SAXO1: variants seen among roughly 807,000 people sequenced by gnomAD.
SAXO1 encodes the protein 4930500O09Rik.
Under a neutral mutation model 17.5 loss-of-function variants are expected in SAXO1, and 21 were observed. That is an observed-to-expected ratio of 1.20 (90% CI 0.85 to 1.72). SAXO1 has a LOEUF of 1.72. SAXO1 is among the 40% of genes most tolerant of loss of function. The pLI is 0.00. For synonymous variants in SAXO1, 274 were observed against 216.5 expected, an observed-to-expected ratio of 1.27 and a Z score of -2.33; for missense variants, 843 against 596.0, an observed-to-expected ratio of 1.41 and a Z score of -4.32.
chr9:18,943,276 C>T (rs1485193909), intron 2 of SAXO1, among the ~76,000 whole-genome samples: 4 of 152,170 alleles, frequency 2.6e-5, no homozygotes, highest in Admixed American at 2.0e-4. Flanking sequence ...TATATCTTAG[C>T]GGCAGTTATA....
intron 3 of SAXO1, among the ~76,000 whole-genome samples, chr9:18,935,764 T>A (rs540319435): frequency 1.8e-4 from 28 of 152,364 alleles, no homozygotes; most frequent in African/African-American, 6.7e-4. Context: ...ACTCAGAAGT[T>A]GTCTTCCCTG....
rs192554352 is a variant in SAXO1 at position 18,977,469 on chromosome 9, A to C, written c.39-26532T>G. ...TCTACATAGGAGGTGTCTAAGGCTT[A>C]CAGAGGTTAAATCATCCAAGATCTT... On this transcript the variant is annotated intron_variant, in intron 1 of 3. Coordinates refer to ENST00000380534, the MANE Select transcript of SAXO1 (RefSeq NM_153707.4). Among the ~76,000 whole-genome samples the C allele has an allele frequency of 2.0e-4, 30 of 152,364 alleles. 1 individual carries two copies. Among genetic ancestry groups the C allele is most frequent in the African/African-American group, 7.0e-4 (29 of 41,592 alleles).
chr9:18,984,009 T>C (rs7037837), intron 1 of SAXO1, among the ~76,000 whole-genome samples: 78,744 of 152,130 alleles, frequency 0.52, 22,206 homozygotes, highest in Non-Finnish European at 0.64. Flanking sequence ...AGAATGGATG[T>C]TATGTTAGCA....
chr9:19,013,432 T>C (rs1834839018), intron 1 of SAXO1, among the ~76,000 whole-genome samples: 1 of 152,006 alleles, frequency 6.6e-6, no homozygotes, highest in Non-Finnish European at 1.5e-5. Context: ...ATGATGGCTA[T>C]AGATAGAACA....
chr9:19,012,879 G>T (rs191907721), intron 1 of SAXO1, among the ~76,000 whole-genome samples: 13 of 152,288 alleles, frequency 8.5e-5, no homozygotes, highest in Admixed American at 2.6e-4. Flanking sequence ...AGCTCAGGGG[G>T]CTGCTCTCTC....
intron 1 of SAXO1, chr9:19,027,350 C>G: frequency 1.3e-6 from 1 of 783,946 alleles, no homozygotes. Flanking sequence ...GAGTACGACT[C>G]GCGGGTGAAG....
At chr9:18,975,780 G>A (rs10963888) in intron 1 of SAXO1, among the ~76,000 whole-genome samples, 7,271 of 152,232 alleles carry the variant, frequency 0.048, 199 homozygotes, top group Middle Eastern at 0.085. Context: ...GAGTGAGCAC[G>A]TAAAACATTC....
intron 1 of SAXO1, among the ~76,000 whole-genome samples, chr9:18,990,700 A>C (rs549980568): frequency 1.3e-5 from 2 of 152,266 alleles, no homozygotes; most frequent in South Asian, 4.2e-4. Flanking sequence ...GCCACTCCCC[A>C]TTGCTCACAT....
chr9:18,989,967 C>A (rs1483781722), intron 1 of SAXO1, among the ~76,000 whole-genome samples: 1 of 152,204 alleles, frequency 6.6e-6, no homozygotes, highest in Non-Finnish European at 1.5e-5. Context: ...AAAGGAGTTT[C>A]TTTACCTATG....
At chr9:18,938,648 A>C (rs1049700694) in intron 3 of SAXO1, among the ~76,000 whole-genome samples, 2 of 152,174 alleles carry the variant, frequency 1.3e-5, no homozygotes, top group African/African-American at 4.8e-5. Flanking sequence ...GCAGAGACCC[A>C]AACCCTGTCA....
chr9:19,006,778 G>T (rs947482433), intron 1 of SAXO1, among the ~76,000 whole-genome samples: 1 of 152,138 alleles, frequency 6.6e-6, no homozygotes, highest in African/African-American at 2.4e-5. Flanking sequence ...AGGTGTGGTG[G>T]CTCATGCCTA....
chr9:18,961,780 T>A (rs759147466), intron 1 of SAXO1, among the ~76,000 whole-genome samples: 2 of 152,208 alleles, frequency 1.3e-5, no homozygotes, highest in African/African-American at 2.4e-5. Flanking sequence ...CTATTGTGAA[T>A]AGTGCTTCAA....
chr9:18,950,925 A>G lies in SAXO1; in HGVS notation c.51T>C (p.Cys17=), dbSNP rs139004652. 103 of 1,612,160 alleles carry G rather than the reference A, an allele frequency of 6.4e-5. 1 individual carries two copies. In the African/African-American group the frequency reaches 1.2e-3, roughly 19 times the overall value. The change falls in exon 2 of 4, where the codon TGT becomes TGC. Residue 17 remains cysteine, a synonymous_variant. Transcript: ENST00000380534. ...CELCSCGRHH[C]PHLPTKIYDK... is the part of the protein sequence containing the mutation. ...CATAAATCTTGGTAGGGAGATGTGG[A>G]CAGTGATGCCGCCTATAAAAGACAC...
In SAXO1 at chr9:19,033,062, A is replaced by C; in HGVS notation, c.-154T>G. On this transcript the variant is annotated 5_prime_UTR_variant, in exon 1 of 4. Transcript: ENST00000380534. ...GGAAAATTTAAGTGGCCCTTTTGCA[A>C]TGTCCTGTCGTCTGTTGCCCTCCTG... 1 of 714,682 alleles carries C rather than the reference A, an allele frequency of 1.4e-6. No individual in the cohort carries two copies. The highest frequency in any genetic ancestry group is 2.2e-6 in the Non-Finnish European group (1 of 458,366). 44.3% of individuals were successfully genotyped at this position (714,682 alleles called of 1,614,324 possible). A position where few individuals can be genotyped will look rare whatever the true frequency, so the allele number is the denominator to read the frequency against.
intron 1 of SAXO1, among the ~76,000 whole-genome samples, chr9:19,046,704 G>GA (rs534019035): frequency 0.38 from 49,867 of 132,228 alleles, 9,628 homozygotes; most frequent in African/African-American, 0.55. Flanking sequence ...CTTCGTCTCA[G>GA]AAAAAAAAAA....
At chr9:19,006,430 C>T (rs963799428) in intron 1 of SAXO1, among the ~76,000 whole-genome samples, 3 of 152,128 alleles carry the variant, frequency 2.0e-5, no homozygotes, top group Non-Finnish European at 2.9e-5. Context: ...ACAGATTATT[C>T]GGTCTTAAAA....
At chr9:18,936,098 C>G (rs1225511867) in intron 3 of SAXO1, among the ~76,000 whole-genome samples, 1 of 152,124 alleles carries the variant, frequency 6.6e-6, no homozygotes, top group Admixed American at 6.5e-5. Context: ...CCAGTTTTGT[C>G]ATTGCTTTTT....
intron 3 of SAXO1, among the ~76,000 whole-genome samples, chr9:18,940,064 G>C (rs1295510701): frequency 1.3e-5 from 2 of 152,222 alleles, no homozygotes; most frequent in African/African-American, 4.8e-5. Flanking sequence ...CTATCAGTAG[G>C]AGCTGGGCTC....
At chr9:19,036,172 T>C (rs1303456713), upstream of SAXO1, among the ~76,000 whole-genome samples, 1 of 148,890 alleles carries the variant, frequency 6.7e-6, no homozygotes, top group Non-Finnish European at 1.5e-5. Flanking sequence ...GGTTGATGGG[T>C]GCAGCAAACG....
Sources: allele counts gnomAD v4.1 joint callset (sites outside exome capture counted in the v4.1 genomes callset), GRCh38; gene constraint gnomAD v4.1.1; transcripts MANE v1.5; gene names NCBI Gene and HGNC (gene_info 2026-07-23, HGNC 2026-07-21).